LHX5: variants seen among roughly 807,000 people sequenced by gnomAD.
The protein encoded by LHX5 is LIM/homeobox protein Lhx5.
In LHX5, 5 loss-of-function variants were observed where a neutral mutation model predicts 30.6. The ratio of observed to expected loss-of-function variants is 0.16; its 90% CI spans 0.09 to 0.34. LHX5 has a LOEUF of 0.34. Ranked by LOEUF, LHX5 falls within the 10% of genes least tolerant of loss-of-function variation. LHX5 has a pLI of 1.00. For missense variants in LHX5, 458 were observed against 570.6 expected (o/e 0.80, Z 2.01); for synonymous variants, 266 against 252.6 (o/e 1.05, Z -0.50).
rs1401907184 is a variant in LHX5, at chr12:113,464,305, C to A, written c.842-748G>T. The stretch of plus-strand genomic sequence containing the variant: ...GGCTGACAGGCCCGGGGAGAGGAAC[C>A]GGGCAGGGACAAACCAGCGGACAGA... On this transcript the variant is annotated intron_variant, in intron 4 of 4. Coordinates refer to ENST00000261731, the MANE Select transcript of LHX5 (RefSeq NM_022363.3). This position sits in a 1 kb window ranked among gnomAD's most constrained non-coding sequence, Gnocchi z 6.2. Among the ~76,000 whole-genome samples the A allele has an allele frequency of 6.6e-6, 1 of 151,898 alleles. No homozygotes were observed. The highest frequency in any genetic ancestry group is 2.4e-5 in the African/African-American group (1 of 41,400).
At position 113,463,706 on chromosome 12, in the gene LHX5, G is replaced by A; in HGVS notation, c.842-149C>T. 2 of 793,702 alleles carry A rather than the reference G, an allele frequency of 2.5e-6. No individual in the cohort carries two copies. The highest frequency in any genetic ancestry group is 1.8e-5 in the African/African-American group (1 of 55,446). The allele number at this position is 793,702 out of a possible 1,614,324, so 49.2% of individuals were successfully genotyped here. A position where few individuals can be genotyped will look rare whatever the true frequency, so the allele number is the denominator to read the frequency against. ...GTTAGAGAGACCTGCGGAGGCCGGC[G>A]CCCCTTGAGACGGTGGACGTCGCAG... On this transcript the variant is annotated intron_variant, in intron 4 of 4. Transcript: ENST00000261731. This position sits in a 1 kb window ranked among gnomAD's most constrained non-coding sequence, Gnocchi z 6.7.
rs1958221781 is a variant in LHX5 at position 113,467,435 on chromosome 12, G to A, written c.676-14C>T. On this transcript the variant is annotated splice_polypyrimidine_tract_variant and intron_variant, in intron 3 of 4. Transcript: ENST00000261731. The surrounding 1 kb of genome is among the most constrained non-coding windows in gnomAD (Gnocchi z 6.3). ...CTGAAACCACACCTGGGACAGAGGA[G>A]GGGGCTGTGAACCCAGGATCAGGAG... is the stretch of plus-strand genomic sequence containing the variant. 2.0e-6 allele frequency: 3 copies of A among 1,510,962 alleles called. No homozygotes were observed. Among genetic ancestry groups the A allele is most frequent in the Admixed American group, 2.0e-5 (1 of 49,668 alleles). The allele number at this position is 1,510,962 out of a possible 1,614,324, so 93.6% of individuals were successfully genotyped here.
At position 113,468,130 on chromosome 12, in the gene LHX5, G is replaced by T. The variant is rs770448563; in HGVS notation, c.672C>A (p.Ile224=). 1.3e-6 allele frequency: 2 copies of T among 1,578,800 alleles called. No individual in the cohort carries two copies. Among genetic ancestry groups the T allele is most frequent in the African/African-American group, 1.3e-5 (1 of 74,390 alleles). Residue 224 remains isoleucine (I), a synonymous_variant, in exon 3 of 5, where the codon ATC becomes ATA. Transcript: ENST00000261731. ...CTGTGCCCGCCCCGGGCCGCACCTGGATGACGCGCATGTTGAGGCCGGTCT... is the reference window on the plus strand; with the variant it reads ...CTGTGCCCGCCCCGGGCCGCACCTGTATGACGCGCATGTTGAGGCCGGTCT... ...AQETGLNMRV[I]QVWFQNRRSK...
At chr12:113,468,012 T>C in intron 3 of LHX5, 115 bp downstream of exon 3, 2 of 1,377,528 alleles carry the variant, frequency 1.5e-6, no homozygotes, top group Non-Finnish European at 1.9e-6. Context: ...CACGGTCTGC[T>C]CCCAGACCAG....
chr12:113,467,278 G>A lies in LHX5; in HGVS notation c.819C>T (p.Ser273=). 1 of 1,521,656 alleles carries A rather than the reference G, an allele frequency of 6.6e-7. No individual in the cohort carries two copies. Among genetic ancestry groups the A allele is most frequent in the Non-Finnish European group, 8.9e-7 (1 of 1,125,646 alleles). The allele number at this position is 1,521,656 out of a possible 1,614,324, so 94.3% of individuals were successfully genotyped here. The change falls in exon 4 of 5, where the codon TCC becomes TCT. Residue 273 remains serine, a synonymous_variant. Coordinates refer to ENST00000261731, the MANE Select transcript of LHX5 (RefSeq NM_022363.3). The surrounding 1 kb of genome is among the most constrained non-coding windows in gnomAD (Gnocchi z 6.3). ...GRLDESEMLG[S]TPYTYYGDYQ... Reference sequence around the variant, plus strand: ...TACCTCCGTAGTAGGTGTACGGGGTGGACCCCAACATCTCAGACTCGTCCA... The same window carrying A: ...TACCTCCGTAGTAGGTGTACGGGGTAGACCCCAACATCTCAGACTCGTCCA...
In LHX5 at chr12:113,463,380, C is replaced by T. The variant is rs1290988407; in HGVS notation, c.1019G>A (p.Arg340Lys). The T allele has an allele frequency of 6.4e-7, 1 of 1,554,528 alleles. No individual in the cohort carries two copies. The highest frequency in any genetic ancestry group is 1.9e-5 in the Admixed American group (1 of 52,112). ...CGGGTGCGAGATCATGTCGGTGAAC[C>T]TGGGGTTGTCCGCGGCGTGCGGGCC... ...LAGPHAADNP[R>K]FTDMISHPDT... The change falls in exon 5 of 5, where the codon AGG becomes AAG. Residue 340 changes from arginine (R) to lysine (K), a missense_variant. By Grantham distance (26) the Arg-to-Lys change is conservative (BLOSUM62 2). Transcript: ENST00000261731. This position sits in a 1 kb window ranked among gnomAD's most constrained non-coding sequence, Gnocchi z 6.7.
At position 113,462,914 on chromosome 12, in the gene LHX5, C is replaced by T. The variant is rs982678068; in HGVS notation, c.*276G>A. ...GCGTGCTCGAAATCTCTTGACCCTCCGGAGTATTGACTTTGGTCCCAAGAA... is the reference window on the plus strand; with the variant it reads ...GCGTGCTCGAAATCTCTTGACCCTCTGGAGTATTGACTTTGGTCCCAAGAA... On this transcript the variant is annotated 3_prime_UTR_variant, in exon 5 of 5. Transcript: ENST00000261731. The T allele has an allele frequency of 8.4e-6, 3 of 358,608 alleles. No individual in the cohort carries two copies. The highest frequency in any genetic ancestry group is 2.2e-5 in the African/African-American group (1 of 45,468). 22.2% of individuals were successfully genotyped at this position (358,608 alleles called of 1,614,324 possible). A position where few individuals can be genotyped will look rare whatever the true frequency, so the allele number is the denominator to read the frequency against.
chr12:113,464,603 A>G lies in LHX5; in HGVS notation c.842-1046T>C, dbSNP rs1465810222. Among the ~76,000 whole-genome samples, 1 of 152,090 alleles carries G rather than the reference A, an allele frequency of 6.6e-6. No individual in the cohort carries two copies. Among genetic ancestry groups the G allele is most frequent in the Non-Finnish European group, 1.5e-5 (1 of 68,006 alleles). On this transcript the variant is annotated intron_variant, in intron 4 of 4. Transcript: ENST00000261731. This position sits in a 1 kb window ranked among gnomAD's most constrained non-coding sequence, Gnocchi z 6.2. ...TTGGGAGAGGGGGAGGAGGACACGA[A>G]GATTCTCTGGGTCATGGCCAGAGCT... is the stretch of plus-strand genomic sequence containing the variant.
rs942794869 is a variant in LHX5, at chr12:113,467,703, C to T, written c.676-282G>A. Reference sequence around the variant, plus strand: ...GCCTGACGGCTCTATAAAGGCCTCCCTCCCGGCACGGCTCTCGCCTCGGCC... The same window carrying T: ...GCCTGACGGCTCTATAAAGGCCTCCTTCCCGGCACGGCTCTCGCCTCGGCC... On this transcript the variant is annotated intron_variant, in intron 3 of 4. Transcript: ENST00000261731. The surrounding 1 kb of genome is among the most constrained non-coding windows in gnomAD (Gnocchi z 6.3). 6.6e-6 allele frequency among the ~76,000 whole-genome samples: 1 copy of T among 152,366 alleles called. No individual in the cohort carries two copies. Among genetic ancestry groups the T allele is most frequent in the African/African-American group, 2.4e-5 (1 of 41,602 alleles).
At position 113,464,483 on chromosome 12, in the gene LHX5, T is replaced by C. The variant is rs1958199890; in HGVS notation, c.842-926A>G. On this transcript the variant is annotated intron_variant, in intron 4 of 4. Coordinates refer to ENST00000261731, the MANE Select transcript of LHX5 (RefSeq NM_022363.3). The surrounding 1 kb of genome is among the most constrained non-coding windows in gnomAD (Gnocchi z 6.2). ...GCCCTACCAACCCAGTCCAAGTCCT[T>C]CGCCTCGCCAAGTACGGCCGCCGCG... Among the ~76,000 whole-genome samples, 1 of 152,204 alleles carries C rather than the reference T, an allele frequency of 6.6e-6. No individual in the cohort carries two copies. Among genetic ancestry groups the C allele is most frequent in the African/African-American group, 2.4e-5 (1 of 41,454 alleles).
At chr12:113,469,015 C>T (rs1958230474) in intron 2 of LHX5, 107 bp downstream of exon 2, 2 of 836,508 alleles carry the variant, frequency 2.4e-6, no homozygotes, top group South Asian at 3.5e-5. Context: ...CTGATGAGCT[C>T]CAAGCTCAGC....
At position 113,463,373 on chromosome 12, in the gene LHX5, G is replaced by T. The variant is rs1055143170; in HGVS notation, c.1026C>A (p.Thr342=). 2 of 1,553,376 alleles carry T rather than the reference G, an allele frequency of 1.3e-6. No individual in the cohort carries two copies. The highest frequency in any genetic ancestry group is 1.7e-6 in the Non-Finnish European group (2 of 1,150,382). Residue 342 remains threonine (T), a synonymous_variant, in exon 5 of 5, where the codon ACC becomes ACA. Transcript: ENST00000261731. This position sits in a 1 kb window ranked among gnomAD's most constrained non-coding sequence, Gnocchi z 6.7. ...GPHAADNPRF[T]DMISHPDTPS... ...GTGTGTCCGGGTGCGAGATCATGTC[G>T]GTGAACCTGGGGTTGTCCGCGGCGT...
rs550646373 is a variant in LHX5 at position 113,464,800 on chromosome 12, T to C, written c.842-1243A>G. Among the ~76,000 whole-genome samples the C allele has an allele frequency of 6.6e-6, 1 of 152,274 alleles. No individual in the cohort carries two copies. The highest frequency in any genetic ancestry group is 1.5e-5 in the Non-Finnish European group (1 of 68,002). On this transcript the variant is annotated intron_variant, in intron 4 of 4. Coordinates refer to ENST00000261731, the MANE Select transcript of LHX5 (RefSeq NM_022363.3). The surrounding 1 kb of genome is among the most constrained non-coding windows in gnomAD (Gnocchi z 6.2). ...AAGGATGAGAATTTTGCCCATAAAT[T>C]CAGGAGGTGTAGGGACTCCGGATTG...
Position 113,463,152 on chromosome 12 carries a change from G to A in LHX5, c.*38C>T. Reference sequence around the variant, plus strand: ...TTTCAGGAGGCTGCTTCGGGGCGGGGCCCCCGGGGGCCGAGCGCGGGGGGC... The same window carrying A: ...TTTCAGGAGGCTGCTTCGGGGCGGGACCCCCGGGGGCCGAGCGCGGGGGGC... On this transcript the variant is annotated 3_prime_UTR_variant, in exon 5 of 5. Transcript: ENST00000261731. The surrounding 1 kb of genome is among the most constrained non-coding windows in gnomAD (Gnocchi z 6.7). 2 of 1,455,566 alleles carry A rather than the reference G, an allele frequency of 1.4e-6. No individual in the cohort carries two copies. Among genetic ancestry groups the A allele is most frequent in the Non-Finnish European group, 1.8e-6 (2 of 1,114,010 alleles). The allele number at this position is 1,455,566 out of a possible 1,614,324, so 90.2% of individuals were successfully genotyped here.
chr12:113,468,446 A>ACGG, intron 2 of LHX5, 42 bp from the exon 3 acceptor site: 1 of 1,562,836 alleles, frequency 6.4e-7, no homozygotes, highest in African/African-American at 1.3e-5. Flanking sequence ...GGCGTCAGCG[A>ACGG]CGGCCAGACG....
chr12:113,471,523 C>T lies in LHX5; in HGVS notation c.-25G>A. The T allele has an allele frequency of 1.3e-6, 2 of 1,561,096 alleles. No individual in the cohort carries two copies. The highest frequency in any genetic ancestry group is 1.4e-5 in the African/African-American group (1 of 73,692). On this transcript the variant is annotated 5_prime_UTR_variant, in exon 1 of 5. Transcript: ENST00000261731. ...TAGCCCCGCGCCCCGGCGGCTTCGG[C>T]CGCCTTGCCCTCCCTTTGGGCCCCT...
Position 113,465,237 on chromosome 12 carries a change from G to A in LHX5, c.842-1680C>T, listed in dbSNP as rs1958205272. The stretch of plus-strand genomic sequence containing the variant: ...ACCATTAATTTAATTCTCCCCGAAA[G>A]TGAAGGGGAAGATGGGGAGCGGCAA... On this transcript the variant is annotated intron_variant, in intron 4 of 4. Transcript: ENST00000261731. The surrounding 1 kb of genome is among the most constrained non-coding windows in gnomAD (Gnocchi z 6.7). Among the ~76,000 whole-genome samples the A allele has an allele frequency of 1.3e-5, 2 of 152,254 alleles. No homozygotes were observed. The highest frequency in any genetic ancestry group is 1.5e-5 in the Non-Finnish European group (1 of 68,042).
rs1230468198 is a variant in LHX5 at position 113,465,047 on chromosome 12, C to T, written c.842-1490G>A. On this transcript the variant is annotated intron_variant, in intron 4 of 4. Coordinates refer to ENST00000261731, the MANE Select transcript of LHX5 (RefSeq NM_022363.3). This position sits in a 1 kb window ranked among gnomAD's most constrained non-coding sequence, Gnocchi z 6.7. The stretch of plus-strand genomic sequence containing the variant: ...CTGAGTCTCTTCTGCAAATCCACTC[C>T]CCCTGCTGAGTCCTGGGATCTCAGT... Among the ~76,000 whole-genome samples the T allele has an allele frequency of 1.3e-5, 2 of 152,172 alleles. No homozygotes were observed. Among genetic ancestry groups the T allele is most frequent in the African/African-American group, 4.8e-5 (2 of 41,436 alleles).
chr12:113,469,734 G>T (rs567141445), intron 1 of LHX5, among the ~76,000 whole-genome samples: 2 of 152,250 alleles, frequency 1.3e-5, no homozygotes, highest in Non-Finnish European at 2.9e-5. Context: ...GGCGGGGAGG[G>T]TTTGGGCCAC....
Sources: gnomAD v4.1 joint callset for allele counts (sites outside exome capture counted in the v4.1 genomes callset) on GRCh38, gnomAD v4.1.1 for gene constraint, Gnocchi (gnomAD v3.1) non-coding constraint, MANE v1.5 for transcripts, NCBI Gene and HGNC (gene_info 2026-07-23, HGNC 2026-07-21) for gene names.